CFAP47: variants seen among roughly 807,000 people sequenced by gnomAD.
The protein encoded by CFAP47 is cilia- and flagella-associated protein 47.
A neutral mutation model predicts 148.1 loss-of-function variants in CFAP47; 29 were observed. That is an observed-to-expected ratio of 0.20 (90% confidence interval 0.15 to 0.27). CFAP47 has a LOEUF of 0.27. CFAP47 is among the 10% of genes least tolerant of loss of function. The pLI is 1.00. For synonymous variants in CFAP47, 664 were observed against 577.3 expected (o/e 1.15, Z -2.15); for missense variants, 1,872 against 1,697.5 (o/e 1.10, Z -1.81).
chrX:35,957,081 T>C, intron 8 of CFAP47, among the ~76,000 whole-genome samples: 1 of 109,136 alleles, frequency 9.2e-6, no homozygotes, highest in East Asian at 2.9e-4. Flanking sequence ...TGGTGGCACA[T>C]GCCTCTAGTC....
intron 59 of CFAP47, among the ~76,000 whole-genome samples, chrX:36,350,693 T>A (rs868955334): frequency 1.3e-5 from 1 of 79,839 alleles, no homozygotes; most frequent in Non-Finnish European, 2.3e-5. Context: ...TATTTATTTA[T>A]TTTTTTTTTT....
At chrX:36,218,109 A>C (rs72628198) in intron 45 of CFAP47, among the ~76,000 whole-genome samples, 1 of 68,758 alleles carries the variant, frequency 1.5e-5, no homozygotes, top group African/African-American at 1.5e-4. Flanking sequence ...CAGTCTGCAA[A>C]AATTAAAAAT....
At chrX:35,932,004 T>TCCTCCCTC (rs61098610) in intron 2 of CFAP47, among the ~76,000 whole-genome samples, 4 of 97,721 alleles carry the variant, frequency 4.1e-5, no homozygotes, top group Non-Finnish European at 6.1e-5. Context: ...CTTCTTGGCT[T>TCCTCCCTC]CCTCCCTCCC....
chrX:36,184,288 G>C (rs777972826), intron 40 of CFAP47, among the ~76,000 whole-genome samples: 14 of 111,634 alleles, frequency 1.3e-4, no homozygotes, highest in Non-Finnish European at 2.4e-4. Flanking sequence ...TTGATGGCCA[G>C]AATCTAGAGA....
chrX:36,337,133 G>A (rs1481704265), intron 57 of CFAP47, among the ~76,000 whole-genome samples: 2 of 111,932 alleles, frequency 1.8e-5, no homozygotes, highest in African/African-American at 6.5e-5. Context: ...ACAAAAGGCC[G>A]TAACTCTCAT....
intron 59 of CFAP47, 54 bp downstream of exon 59, chrX:36,350,186 T>C (rs1191706995): frequency 9.0e-6 from 7 of 776,159 alleles, no homozygotes; most frequent in Non-Finnish European, 1.3e-5. Context: ...CCTTAGATAT[T>C]CTCTATTCCC....
At chrX:36,018,288 T>C (rs987638573) in intron 22 of CFAP47, among the ~76,000 whole-genome samples, 1 of 112,207 alleles carries the variant, frequency 8.9e-6, no homozygotes, top group Non-Finnish European at 1.9e-5. Flanking sequence ...AAATACAAAA[T>C]AATGTTGCTC....
chrX:36,230,521 G>A (rs1414638143), intron 46 of CFAP47, among the ~76,000 whole-genome samples: 7 of 99,493 alleles, frequency 7.0e-5, no homozygotes, highest in Non-Finnish European at 1.2e-4. Context: ...CCCTTTGTCA[G>A]CTGAGTAGGT....
At chrX:36,131,030 A>T (rs184953475) in intron 33 of CFAP47, among the ~76,000 whole-genome samples, 1 of 110,573 alleles carries the variant, frequency 9.0e-6, no homozygotes, top group East Asian at 2.9e-4. Context: ...CAGGGTGATT[A>T]TAGTCAATAA....
intron 4 of CFAP47, 89 bp from the exon 5 acceptor site, chrX:35,951,042 T>C: frequency 1.6e-6 from 1 of 609,729 alleles, no homozygotes; most frequent in East Asian, 3.5e-5. Context: ...CTATAAAGTT[T>C]CTGTTTGTCG....
At chrX:36,020,609 T>C (rs890792908) in intron 22 of CFAP47, among the ~76,000 whole-genome samples, 14 of 112,197 alleles carry the variant, frequency 1.2e-4, no homozygotes, top group African/African-American at 4.5e-4. Context: ...TCTCTTCTTA[T>C]AGTTTTTGCC....
At chrX:36,180,078 G>T (rs1237183817) in intron 40 of CFAP47, among the ~76,000 whole-genome samples, 2 of 111,447 alleles carry the variant, frequency 1.8e-5, no homozygotes, top group African/African-American at 6.5e-5. Flanking sequence ...CACCATGAAC[G>T]CACCATGAGT....
At chrX:36,309,531 A>G (rs6632561) in intron 55 of CFAP47, among the ~76,000 whole-genome samples, 1,887 of 111,328 alleles carry the variant, frequency 0.017, 17 homozygotes, top group Non-Finnish European at 0.026. Flanking sequence ...TTAATTTGCC[A>G]TTCTGAACCC....
rs868636407 is a variant in CFAP47, at chrX:36,073,468, A to G, written c.4691+104A>G. ...AGTGAAATACAATATGAAGTAATTT[A>G]TTCTAAACTGATATATTATGAAGCA... On this transcript the variant is annotated intron_variant, in intron 29 of 63. Coordinates refer to ENST00000378653, the MANE Select transcript of CFAP47 (RefSeq NM_001304548.2). The G allele has an allele frequency of 2.3e-5, 12 of 518,878 alleles. No homozygotes were observed. In the Middle Eastern group the frequency reaches 4.4e-3, roughly 190 times the overall value. The allele number at this position is 518,878 out of a possible 1,213,427, so 42.8% of individuals were successfully genotyped here.
At chrX:36,016,118 C>T (rs1937093326) in intron 22 of CFAP47, among the ~76,000 whole-genome samples, 1 of 110,527 alleles carries the variant, frequency 9.0e-6, no homozygotes, top group South Asian at 3.9e-4. Context: ...GTATCCATCC[C>T]ATCAAGCATT....
intron 39 of CFAP47, among the ~76,000 whole-genome samples, chrX:36,170,028 T>C (rs1939547123): frequency 8.9e-6 from 1 of 111,784 alleles, no homozygotes; most frequent in Non-Finnish European, 1.9e-5. Context: ...GGTTGTAAGC[T>C]ACAGAGTTTT....
At chrX:36,101,052 C>A (rs1183150959) in intron 32 of CFAP47, among the ~76,000 whole-genome samples, 1 of 111,050 alleles carries the variant, frequency 9.0e-6, no homozygotes, top group Non-Finnish European at 1.9e-5. Flanking sequence ...CTGTGCTTCT[C>A]TTTTTCACCA....
chrX:36,297,342 AT>A (rs1313858498), intron 51 of CFAP47, among the ~76,000 whole-genome samples: 3 of 111,948 alleles, frequency 2.7e-5, no homozygotes, highest in African/African-American at 6.5e-5. Flanking sequence ...CTTAGTAAGA[AT>A]TTTTTGTCAC....
At chrX:35,968,286 T>C (rs1936439366) in intron 10 of CFAP47, among the ~76,000 whole-genome samples, 1 of 111,140 alleles carries the variant, frequency 9.0e-6, no homozygotes, top group African/African-American at 3.3e-5. Flanking sequence ...TCATCATCTT[T>C]GTTTGACCCC....
Sources: allele counts gnomAD v4.1 joint callset (sites outside exome capture counted in the v4.1 genomes callset), GRCh38; gene constraint gnomAD v4.1.1; transcripts MANE v1.5; gene names NCBI Gene and HGNC (gene_info 2026-07-23, HGNC 2026-07-21).